Variants in PRKG2 observed in about 807,000 individuals in gnomAD.
The protein encoded by PRKG2 is protein kinase cGMP-dependent 2, also known as cGMP-dependent protein kinase 2.
A neutral mutation model predicts 97.2 loss-of-function variants in PRKG2; 33 were observed. The observed-to-expected ratio is 0.34, with a 90% CI of 0.26 to 0.45. The LOEUF (loss-of-function observed/expected upper bound fraction) is 0.45, where lower values mean the gene tolerates loss of function less well. PRKG2 is among the 20% of genes least tolerant of loss of function. The pLI is 1.00. For synonymous variants in PRKG2, 330 were observed against 321.8 expected (o/e 1.03, Z -0.27); for missense variants, 638 against 900.0 (o/e 0.71, Z 3.73).
At chr4:81,197,502 T>C (rs1753035904) in intron 2 of PRKG2, among the ~76,000 whole-genome samples, 1 of 152,232 alleles carries the variant, frequency 6.6e-6, no homozygotes, top group Non-Finnish European at 1.5e-5. Flanking sequence ...ATTTCAGAGT[T>C]GTTGTGATTA....
intron 1 of PRKG2, among the ~76,000 whole-genome samples, chr4:81,205,279 T>C (rs1753587619): frequency 6.6e-6 from 1 of 152,306 alleles, no homozygotes; most frequent in African/African-American, 2.4e-5. Context: ...GGTTCATTCT[T>C]ACCTGTCCCT....
intron 2 of PRKG2, among the ~76,000 whole-genome samples, chr4:81,197,516 G>A (rs1388576617): frequency 6.6e-6 from 1 of 152,178 alleles, no homozygotes; most frequent in Non-Finnish European, 1.5e-5. Flanking sequence ...GTGATTAAGA[G>A]GCAGATGTTT....
In PRKG2 at chr4:81,142,786, C is replaced by A; in HGVS notation, c.1407+8G>T. ...TTCTCTCAGATGCTTGAAACGTAAACCCCTTACAAGCTCAACTCTTCCGAA... is the reference window on the plus strand; with the variant it reads ...TTCTCTCAGATGCTTGAAACGTAAAACCCTTACAAGCTCAACTCTTCCGAA... On this transcript the variant is annotated splice_region_variant and intron_variant, in intron 11 of 18. Coordinates refer to ENST00000264399, the MANE Select transcript of PRKG2 (RefSeq NM_006259.3). The A allele has an allele frequency of 1.3e-6, 2 of 1,559,282 alleles. No homozygotes were observed. Among genetic ancestry groups the A allele is most frequent in the Non-Finnish European group, 8.7e-7 (1 of 1,145,940 alleles).
At chr4:81,179,121 T>C (rs879474050) in intron 2 of PRKG2, among the ~76,000 whole-genome samples, 7 of 147,050 alleles carry the variant, frequency 4.8e-5, no homozygotes, top group Admixed American at 1.4e-4. Flanking sequence ...TGAGACTCTG[T>C]CCCAAAAACA....
intron 17 of PRKG2, among the ~76,000 whole-genome samples, chr4:81,097,402 T>G (rs1432145528): frequency 6.6e-6 from 1 of 152,176 alleles, no homozygotes; most frequent in African/African-American, 2.4e-5. Context: ...TCAGGCTTTG[T>G]TCAATTTATA....
intron 14 of PRKG2, among the ~76,000 whole-genome samples, chr4:81,120,469 T>C (rs1744970708): frequency 6.6e-6 from 1 of 152,212 alleles, no homozygotes; most frequent in Non-Finnish European, 1.5e-5. Context: ...TTTTTTTTCA[T>C]TTCTTTCATC....
intron 17 of PRKG2, among the ~76,000 whole-genome samples, chr4:81,099,887 G>A (rs1040362810): frequency 9.2e-5 from 14 of 152,034 alleles, no homozygotes; most frequent in African/African-American, 1.5e-4. Context: ...AAATCAATGT[G>A]CAAAAATCAC....
At chr4:81,149,258 C>G (rs535282598) in intron 8 of PRKG2, among the ~76,000 whole-genome samples, 4 of 152,212 alleles carry the variant, frequency 2.6e-5, no homozygotes, top group Admixed American at 1.3e-4. Flanking sequence ...AATAAAATAG[C>G]TCTCCTCTGA....
intron 6 of PRKG2, among the ~76,000 whole-genome samples, chr4:81,156,289 G>T (rs1341920915): frequency 6.6e-6 from 1 of 152,100 alleles, no homozygotes; most frequent in Non-Finnish European, 1.5e-5. Flanking sequence ...CCTAGTCTCT[G>T]ATAAAACAGA....
intron 7 of PRKG2, among the ~76,000 whole-genome samples, 171 bp from the exon 8 acceptor site, chr4:81,152,225 T>A (rs1216594616): frequency 1.3e-5 from 2 of 152,194 alleles, no homozygotes; most frequent in South Asian, 4.1e-4. Context: ...TCAGCCCATT[T>A]TGATGGATGT....
chr4:81,157,163 C>T (rs1355365332), intron 6 of PRKG2, among the ~76,000 whole-genome samples: 1 of 151,630 alleles, frequency 6.6e-6, no homozygotes, highest in African/African-American at 2.4e-5. Flanking sequence ...AAAGGATCAA[C>T]AAAATTGATA....
chr4:81,183,792 C>G lies in PRKG2; in HGVS notation c.462-8833G>C, dbSNP rs75270322. Among the ~76,000 whole-genome samples, 124 of 152,196 alleles carry G rather than the reference C, an allele frequency of 8.1e-4. 2 individuals carry two copies. In the East Asian group the frequency reaches 0.023, roughly 28 times the overall value. ...AGCAGTCTGAAGTCAACCTGGAACA[C>G]TCGAGCTTAGTGGGGGAAGGGGTGT... On this transcript the variant is annotated intron_variant, in intron 2 of 18. Transcript: ENST00000264399.
At chr4:81,127,903 TCTG>T (rs1745762204) in intron 14 of PRKG2, among the ~76,000 whole-genome samples, 2 of 152,240 alleles carry the variant, frequency 1.3e-5, no homozygotes, top group African/African-American at 4.8e-5. Context: ...ATCCTTGTCT[TCTG>T]CTGGTTTTCA....
intron 17 of PRKG2, among the ~76,000 whole-genome samples, chr4:81,101,591 G>A (rs575600184): frequency 4.6e-5 from 7 of 151,192 alleles, no homozygotes; most frequent in East Asian, 3.9e-4. Context: ...GGGGAGGTAT[G>A]GCATTTGGTG....
Position 81,175,835 on chromosome 4 carries a change from T to C in PRKG2, c.462-876A>G, listed in dbSNP as rs548250349. Among the ~76,000 whole-genome samples the C allele has an allele frequency of 1.6e-4, 25 of 152,312 alleles. No homozygotes were observed. The East Asian group carries it at 4.0e-3, about 25-fold the overall frequency. On this transcript the variant is annotated intron_variant, in intron 2 of 18. Coordinates refer to ENST00000264399, the MANE Select transcript of PRKG2 (RefSeq NM_006259.3). ...AAAATGTTTTAATGAAAATTATTCA[T>C]ATGTAGATATCATAAAATTATTGTG...
chr4:81,166,312 T>G (rs4566647), intron 6 of PRKG2, among the ~76,000 whole-genome samples: 1 of 151,570 alleles, frequency 6.6e-6, no homozygotes, highest in Non-Finnish European at 1.5e-5. Flanking sequence ...GTTTTGGGGG[T>G]TTTTTTTCCT....
intron 14 of PRKG2, among the ~76,000 whole-genome samples, chr4:81,127,104 C>T (rs1745670135): frequency 6.6e-6 from 1 of 152,170 alleles, no homozygotes; most frequent in Non-Finnish European, 1.5e-5. Context: ...TTTTTCCCGA[C>T]ACCATTTATT....
intron 14 of PRKG2, among the ~76,000 whole-genome samples, chr4:81,123,735 G>GC (rs1322166280): frequency 6.6e-6 from 1 of 152,060 alleles, no homozygotes; most frequent in Non-Finnish European, 1.5e-5. Flanking sequence ...TTTGACAATA[G>GC]TTTTTTGCCT....
At chr4:81,115,079 C>A (rs1008711520) in intron 14 of PRKG2, among the ~76,000 whole-genome samples, 2 of 151,908 alleles carry the variant, frequency 1.3e-5, no homozygotes, top group Non-Finnish European at 2.9e-5. Flanking sequence ...TGTATTATTG[C>A]AAAAATGCTT....
Sources: allele counts gnomAD v4.1 joint callset (sites outside exome capture counted in the v4.1 genomes callset), GRCh38; gene constraint gnomAD v4.1.1; transcripts MANE v1.5; gene names NCBI Gene and HGNC (gene_info 2026-07-23, HGNC 2026-07-21).